The following TANC2 variants were observed in gnomAD, a reference collection of about 807,000 sequenced individuals.
TANC2 encodes protein TANC2.
Under a neutral mutation model 210.5 loss-of-function variants are expected in TANC2, and 26 were observed. The ratio of observed to expected loss-of-function variants is 0.12; its 90% CI spans 0.09 to 0.17. TANC2 has a LOEUF of 0.17. TANC2 is among the 10% of genes least tolerant of loss of function. The pLI is 1.00. For synonymous variants in TANC2, 931 were observed against 967.1 expected (o/e 0.96, Z 0.69); for missense variants, 2,129 against 2,608.9 (o/e 0.82, Z 4.01).
chr17:63,153,870 C>T (rs1272515818), intron 5 of TANC2: 1 of 152,132 alleles, frequency 6.6e-6, no homozygotes, highest in African/African-American at 2.4e-5. Flanking sequence ...GTACCCACGT[C>T]TAACTTTTCT....
chr17:63,099,787 T>A (rs965689910), intron 4 of TANC2, among the ~76,000 whole-genome samples: 4 of 152,070 alleles, frequency 2.6e-5, no homozygotes, highest in Admixed American at 2.0e-4. Flanking sequence ...TTTTATATAT[T>A]TTTTTAAAAG....
intron 5 of TANC2, among the ~76,000 whole-genome samples, chr17:63,188,265 A>C (rs1421356748): frequency 6.6e-6 from 1 of 151,254 alleles, no homozygotes; most frequent in Non-Finnish European, 1.5e-5. Context: ...GAGGTTCCGG[A>C]ACAGCCTGGA....
At chr17:63,245,968 C>T (rs2042907394) in intron 8 of TANC2, among the ~76,000 whole-genome samples, 2 of 151,270 alleles carry the variant, frequency 1.3e-5, no homozygotes, top group Admixed American at 1.3e-4. Context: ...CAAGATTGCA[C>T]CAGTGCACTC....
intron 2 of TANC2, among the ~76,000 whole-genome samples, chr17:63,042,562 A>G (rs2035230363): frequency 6.6e-6 from 1 of 152,100 alleles, no homozygotes; most frequent in Non-Finnish European, 1.5e-5. Flanking sequence ...TGATGAGGGA[A>G]TGACTGTTGT....
At chr17:63,193,953 T>G (rs778892394) in intron 5 of TANC2, 38 bp from the exon 6 acceptor site, 12 of 1,577,268 alleles carry the variant, frequency 7.6e-6, no homozygotes, top group African/African-American at 1.3e-5. Context: ...CCATTTTATT[T>G]TGAAAGATTC....
At chr17:63,162,989 A>C (rs1451476484) in intron 5 of TANC2, among the ~76,000 whole-genome samples, 2 of 151,904 alleles carry the variant, frequency 1.3e-5, no homozygotes, top group Non-Finnish European at 2.9e-5. Context: ...GAAGAATTGG[A>C]CCTTAACCAG....
chr17:63,088,085 T>G (rs1272909249), intron 3 of TANC2: 1 of 152,198 alleles, frequency 6.6e-6, no homozygotes, highest in African/African-American at 2.4e-5. Flanking sequence ...GTACTCCATC[T>G]TTCCTGGAAT....
intron 9 of TANC2, among the ~76,000 whole-genome samples, chr17:63,278,334 C>G (rs886432010): frequency 4.6e-5 from 7 of 151,954 alleles, no homozygotes; most frequent in Middle Eastern, 3.2e-3. Context: ...GACATTTCTT[C>G]AAAGAAGACA....
chr17:63,091,062 T>G (rs2037171784), intron 3 of TANC2, among the ~76,000 whole-genome samples: 2 of 151,916 alleles, frequency 1.3e-5, no homozygotes, highest in South Asian at 4.1e-4. Flanking sequence ...GTTGTTTGTT[T>G]TTTTTTTTTG....
At chr17:63,268,977 G>T (rs894355172) in intron 9 of TANC2, among the ~76,000 whole-genome samples, 1 of 151,910 alleles carries the variant, frequency 6.6e-6, no homozygotes, top group Non-Finnish European at 1.5e-5. Context: ...TTTATCTTAC[G>T]GATGATTTTC....
intron 3 of TANC2, among the ~76,000 whole-genome samples, chr17:63,097,255 C>T (rs911871911): frequency 6.6e-6 from 1 of 152,006 alleles, no homozygotes; most frequent in Admixed American, 6.6e-5. Flanking sequence ...CTCCGTTGCC[C>T]AGGCTGGTCT....
intron 2 of TANC2, among the ~76,000 whole-genome samples, chr17:63,040,578 A>G (rs1169067506): frequency 6.6e-6 from 1 of 152,128 alleles, no homozygotes; most frequent in Non-Finnish European, 1.5e-5. Context: ...CTGATTTGTA[A>G]CCATCATCTA....
At chr17:63,249,100 T>C (rs2042990245) in intron 8 of TANC2, among the ~76,000 whole-genome samples, 1 of 152,164 alleles carries the variant, frequency 6.6e-6, no homozygotes, top group African/African-American at 2.4e-5. Context: ...GTTCCACATA[T>C]GAGGATAGTA....
chr17:63,338,905 C>T (rs2046128724), intron 11 of TANC2: 1 of 152,070 alleles, frequency 6.6e-6, no homozygotes, highest in Admixed American at 6.6e-5. Context: ...GATGACCATA[C>T]CAGTAGATGA....
chr17:63,264,693 G>A lies in TANC2; in HGVS notation c.1034-3055G>A, dbSNP rs926138977. Among the ~76,000 whole-genome samples the A allele has an allele frequency of 3.3e-5, 5 of 152,290 alleles. No homozygotes were observed. In the East Asian group the frequency reaches 7.7e-4, roughly 23 times the overall value. The stretch of plus-strand genomic sequence containing the variant: ...TAGTAGTGTATATGGAAAGTAAACT[G>A]CTAATAGTGTGTGTGGCTTGCTGGC... On this transcript the variant is annotated intron_variant, in intron 8 of 27. Transcript: ENST00000689528.
intron 8 of TANC2, among the ~76,000 whole-genome samples, chr17:63,250,261 A>G (rs1303152285): frequency 6.6e-6 from 1 of 151,770 alleles, no homozygotes; most frequent in African/African-American, 2.4e-5. Flanking sequence ...TGTATCTGGA[A>G]AGTGTTAGTT....
intron 1 of TANC2, among the ~76,000 whole-genome samples, chr17:63,007,754 T>C (rs1188022970): frequency 2.6e-5 from 4 of 152,172 alleles, no homozygotes; most frequent in Non-Finnish European, 5.9e-5. Flanking sequence ...ATTTTAAATC[T>C]ATATATTTTA....
intron 1 of TANC2, among the ~76,000 whole-genome samples, chr17:62,981,389 TC>T (rs1307394127): frequency 1.3e-5 from 2 of 152,172 alleles, no homozygotes; most frequent in Admixed American, 6.5e-5. Flanking sequence ...AAGGATATGT[TC>T]CTGTAATTCT....
intron 2 of TANC2, among the ~76,000 whole-genome samples, chr17:63,051,607 A>G (rs532513373): frequency 1.3e-5 from 2 of 152,314 alleles, no homozygotes; most frequent in African/African-American, 4.8e-5. Flanking sequence ...CTATGTATGT[A>G]TAAATGGTTC....
Sources: gnomAD v4.1 joint callset for allele counts (sites outside exome capture counted in the v4.1 genomes callset) on GRCh38, gnomAD v4.1.1 for gene constraint, MANE v1.5 for transcripts, NCBI Gene and HGNC (gene_info 2026-07-23, HGNC 2026-07-21) for gene names.